KCNQ1: variants seen among roughly 807,000 people sequenced by gnomAD.
KCNQ1 encodes potassium voltage-gated channel subfamily KQT member 1.
In KCNQ1, 49 loss-of-function variants were observed where a neutral mutation model predicts 72.4. That is an observed-to-expected ratio of 0.68 (90% confidence interval 0.54 to 0.86). The LOEUF (loss-of-function observed/expected upper bound fraction) is 0.86. Ranked by LOEUF, KCNQ1 falls within the 40% of genes least tolerant of loss-of-function variation. The pLI is 0.00. For missense variants in KCNQ1, 790 were observed against 945.1 expected, an observed-to-expected ratio of 0.84 and a Z score of 2.15; for synonymous variants, 450 against 412.6, an observed-to-expected ratio of 1.09 and a Z score of -1.10.
rs114847405 is a variant in KCNQ1 at position 2,593,430 on chromosome 11, C to T, written c.1393+4576C>T. ...TGGGCTGTAAGGTCGTGGTCTGTGA[C>T]GTAGGATCGGGCAGCACGCACCTTT... On this transcript the variant is annotated intron_variant, in intron 10 of 15. Coordinates refer to ENST00000155840, the MANE Select transcript of KCNQ1 (RefSeq NM_000218.3). The surrounding 1 kb of genome is among the most constrained non-coding windows in gnomAD (Gnocchi z 6.9). Among the ~76,000 whole-genome samples the T allele has an allele frequency of 1.4e-4, 21 of 152,256 alleles. No homozygotes were observed. The highest frequency in any genetic ancestry group is 4.6e-4 in the African/African-American group (19 of 41,538).
chr11:2,655,816 C>T, intron 10 of KCNQ1: 3 of 398,652 alleles, frequency 7.5e-6, no homozygotes, highest in East Asian at 7.1e-5. Flanking sequence ...GTCTCCAACA[C>T]ACAAGCCAGC....
chr11:2,671,911 C>T lies in KCNQ1; in HGVS notation c.1514+9830C>T, dbSNP rs573381316. 47 of 398,560 alleles carry T rather than the reference C, an allele frequency of 1.2e-4. No homozygotes were observed. The highest frequency in any genetic ancestry group is 1.9e-4 in the Non-Finnish European group (42 of 226,128). The allele number at this position is 398,560 out of a possible 1,614,324, so 24.7% of individuals were successfully genotyped here. ...CACCAGGCAGCCAGCCTGTGGGCCC[C>T]GCTATGCTTCCTCAGGCAGCTAGTC... On this transcript the variant is annotated intron_variant, in intron 11 of 15. Transcript: ENST00000155840. The surrounding 1 kb of genome is among the most constrained non-coding windows in gnomAD (Gnocchi z 4.7).
rs1850996902 is a variant in KCNQ1 at position 2,711,160 on chromosome 11, CAT to C, written c.1514+49081_1514+49082del. ...TTAAAAATTTGGTTCAAGAATATCT[CAT>C]AGTTTTCAGTATAGTTTTTGCACTA... On this transcript the variant is annotated intron_variant, in intron 11 of 15. Coordinates refer to ENST00000155840, the MANE Select transcript of KCNQ1 (RefSeq NM_000218.3). The surrounding 1 kb of genome is among the most constrained non-coding windows in gnomAD (Gnocchi z 5.4). Among the ~76,000 whole-genome samples the C allele has an allele frequency of 6.6e-6, 1 of 152,196 alleles. No homozygotes were observed. The highest frequency in any genetic ancestry group is 1.5e-5 in the Non-Finnish European group (1 of 68,036).
intron 15 of KCNQ1, chr11:2,839,897 C>T (rs1252560779): frequency 6.6e-6 from 1 of 152,180 alleles, no homozygotes; most frequent in African/African-American, 2.4e-5. Context: ...GACAGCAGGG[C>T]CCTGGCTCCC....
intron 15 of KCNQ1, among the ~76,000 whole-genome samples, chr11:2,811,849 C>T (rs375151914): frequency 6.6e-6 from 1 of 152,212 alleles, no homozygotes; most frequent in African/African-American, 2.4e-5. Context: ...GCCTGGAAAA[C>T]GGTGCTCAGT....
intron 8 of KCNQ1, among the ~76,000 whole-genome samples, chr11:2,585,810 G>A (rs1353037020): frequency 6.6e-6 from 1 of 152,216 alleles, no homozygotes; most frequent in Non-Finnish European, 1.5e-5. Context: ...GGCTCACAAG[G>A]CCAGTGGGCT....
rs1374506829 is a variant in KCNQ1, at chr11:2,669,619, A to G, written c.1514+7538A>G. ...ACACTGGGGCAGTCACCTAATCTCT[A>G]TCAGCCTCAGTTTCCTCTTGTATAC... On this transcript the variant is annotated intron_variant, in intron 11 of 15. Coordinates refer to ENST00000155840, the MANE Select transcript of KCNQ1 (RefSeq NM_000218.3). This position sits in a 1 kb window ranked among gnomAD's most constrained non-coding sequence, Gnocchi z 5.6. 2.0e-5 allele frequency: 8 copies of G among 398,454 alleles called. No homozygotes were observed. In the South Asian group the frequency reaches 3.8e-4, roughly 19 times the overall value. 24.7% of individuals were successfully genotyped at this position (398,454 alleles called of 1,614,324 possible).
chr11:2,613,923 C>T lies in KCNQ1; in HGVS notation c.1393+25069C>T. On this transcript the variant is annotated intron_variant, in intron 10 of 15. Transcript: ENST00000155840. The surrounding 1 kb of genome is among the most constrained non-coding windows in gnomAD (Gnocchi z 4.8). ...CAAAAAAGTACTATTCTGTATATGC[C>T]CTTTTGAACTTTGCTTTTCTCACCT... The T allele has an allele frequency of 2.5e-6, 1 of 398,488 alleles. No homozygotes were observed. The highest frequency in any genetic ancestry group is 4.4e-6 in the Non-Finnish European group (1 of 226,032). The allele number at this position is 398,488 out of a possible 1,614,324, so 24.7% of individuals were successfully genotyped here. A position where few individuals can be genotyped will look rare whatever the true frequency, so the allele number is the denominator to read the frequency against.
chr11:2,552,204 G>C (rs1847993570), intron 2 of KCNQ1, among the ~76,000 whole-genome samples: 1 of 151,030 alleles, frequency 6.6e-6, no homozygotes, highest in African/African-American at 2.4e-5. Flanking sequence ...TTTTTCTCCT[G>C]TTTTCTGTAG....
rs770291429 is a variant in KCNQ1, at chr11:2,623,318, G to C, written c.1393+34464G>C. 8 of 398,458 alleles carry C rather than the reference G, an allele frequency of 2.0e-5. No homozygotes were observed. Among genetic ancestry groups the C allele is most frequent in the Non-Finnish European group, 3.5e-5 (8 of 226,064 alleles). The allele number at this position is 398,458 out of a possible 1,614,324, so 24.7% of individuals were successfully genotyped here. A position where few individuals can be genotyped will look rare whatever the true frequency, so the allele number is the denominator to read the frequency against. On this transcript the variant is annotated intron_variant, in intron 10 of 15. Transcript: ENST00000155840. The surrounding 1 kb of genome is among the most constrained non-coding windows in gnomAD (Gnocchi z 5.2). ...TAGTTCTTTATAGCACTGTGAGAAC[G>C]GACTAATATGCATGTATCTACCATT...
At position 2,471,314 on chromosome 11, in the gene KCNQ1, C is replaced by T. The variant is rs1266033290; in HGVS notation, c.386+25830C>T. On this transcript the variant is annotated intron_variant, in intron 1 of 15. Transcript: ENST00000155840. This position sits in a 1 kb window ranked among gnomAD's most constrained non-coding sequence, Gnocchi z 4.8. ...CAGCAGGGCTGTACCCCAAATGCTG[C>T]TTGCTTCTCCCGCCCTCCTCCCTCT... Among the ~76,000 whole-genome samples the T allele has an allele frequency of 6.6e-6, 1 of 152,024 alleles. No homozygotes were observed. The highest frequency in any genetic ancestry group is 1.5e-5 in the Non-Finnish European group (1 of 68,008).
chr11:2,525,236 T>C (rs1847476277), intron 1 of KCNQ1, among the ~76,000 whole-genome samples: 1 of 152,168 alleles, frequency 6.6e-6, no homozygotes, highest in African/African-American at 2.4e-5. Context: ...TCTGAGCCCA[T>C]TCCCAGTGCC....
intron 10 of KCNQ1, chr11:2,648,452 C>T: frequency 2.5e-6 from 1 of 398,430 alleles, no homozygotes; most frequent in Non-Finnish European, 4.4e-6. Context: ...GTACCCTATA[C>T]ATTTTTGTAT....
chr11:2,676,425 T>C lies in KCNQ1; in HGVS notation c.1514+14344T>C, dbSNP rs1850295631. Reference sequence around the variant, plus strand: ...GAGATTTAGCCCAATGGGCTGGGCTTTTCCCAGATAGGACATGCTCACTGT... The same window carrying C: ...GAGATTTAGCCCAATGGGCTGGGCTCTTCCCAGATAGGACATGCTCACTGT... On this transcript the variant is annotated intron_variant, in intron 11 of 15. Transcript: ENST00000155840. The surrounding 1 kb of genome is among the most constrained non-coding windows in gnomAD (Gnocchi z 4.2). The C allele has an allele frequency of 2.5e-6, 1 of 398,538 alleles. No individual in the cohort carries two copies. Among genetic ancestry groups the C allele is most frequent in the South Asian group, 1.3e-4 (1 of 7,868 alleles). 24.7% of individuals were successfully genotyped at this position (398,538 alleles called of 1,614,324 possible). A position where few individuals can be genotyped will look rare whatever the true frequency, so the allele number is the denominator to read the frequency against.
In KCNQ1 at chr11:2,598,121, T is replaced by C; in HGVS notation, c.1393+9267T>C. 6.6e-6 allele frequency among the ~76,000 whole-genome samples: 1 copy of C among 152,316 alleles called. No homozygotes were observed. Among genetic ancestry groups the C allele is most frequent in the Admixed American group, 6.5e-5 (1 of 15,308 alleles). ...TAACTCTATTTTTGTTTTCTTTTAC[T>C]TAAGAGTCATAGTTCATTTATTTGA... On this transcript the variant is annotated intron_variant, in intron 10 of 15. Coordinates refer to ENST00000155840, the MANE Select transcript of KCNQ1 (RefSeq NM_000218.3). The surrounding 1 kb of genome is among the most constrained non-coding windows in gnomAD (Gnocchi z 6.2).
At chr11:2,831,649 C>T (rs1847952698) in intron 15 of KCNQ1, among the ~76,000 whole-genome samples, 1 of 150,552 alleles carries the variant, frequency 6.6e-6, no homozygotes, top group South Asian at 2.2e-4. Context: ...ATTGCCCCTC[C>T]TCCCCTTTCC....
Position 2,525,190 on chromosome 11 carries a change from G to A in KCNQ1, c.387-2738G>A, listed in dbSNP as rs937690879. ...AAGAACCTGGAGGGAACCCTGCTCCGGCAGTGGGCAGCATGCTGTGTGCAA... is the reference window on the plus strand; with the variant it reads ...AAGAACCTGGAGGGAACCCTGCTCCAGCAGTGGGCAGCATGCTGTGTGCAA... On this transcript the variant is annotated intron_variant, in intron 1 of 15. Transcript: ENST00000155840. 5.3e-5 allele frequency among the ~76,000 whole-genome samples: 8 copies of A among 152,136 alleles called. No individual in the cohort carries two copies. The South Asian group carries it at 1.5e-3, about 28-fold the overall frequency.
chr11:2,741,131 CG>C (rs1217488187), intron 11 of KCNQ1, among the ~76,000 whole-genome samples: 1 of 152,146 alleles, frequency 6.6e-6, no homozygotes, highest in African/African-American at 2.4e-5. Flanking sequence ...GTGCTGCCTC[CG>C]GGGGAAGTCA....
rs1589902718 is a variant in KCNQ1 at position 2,478,038 on chromosome 11, G to A, written c.386+32554G>A. Among the ~76,000 whole-genome samples, 1 of 152,148 alleles carries A rather than the reference G, an allele frequency of 6.6e-6. No homozygotes were observed. The highest frequency in any genetic ancestry group is 6.5e-5 in the Admixed American group (1 of 15,280). On this transcript the variant is annotated intron_variant, in intron 1 of 15. Transcript: ENST00000155840. This position sits in a 1 kb window ranked among gnomAD's most constrained non-coding sequence, Gnocchi z 4.0. ...AGAGGCAAAGCTGGCGACACCACCC[G>A]AGCCAAGTGATCCAAGTTAACATCA...
Sources: gnomAD v4.1 joint callset for allele counts (sites outside exome capture counted in the v4.1 genomes callset) on GRCh38, gnomAD v4.1.1 for gene constraint, Gnocchi (gnomAD v3.1) non-coding constraint, MANE v1.5 for transcripts, NCBI Gene and HGNC (gene_info 2026-07-23, HGNC 2026-07-21) for gene names.